Variants in MYO3A observed in about 807,000 individuals in gnomAD.
MYO3A encodes myosin-IIIa.
Under a neutral mutation model 192.7 loss-of-function variants are expected in MYO3A, and 180 were observed. That is an observed-to-expected ratio of 0.93 (90% CI 0.83 to 1.06). The LOEUF (loss-of-function observed/expected upper bound fraction) is 1.06. Among genes scored for constraint, MYO3A ranks in the 50% least tolerant of loss-of-function variants. The pLI, the probability that MYO3A is intolerant of heterozygous loss-of-function variation, is 0.00. For synonymous variants in MYO3A, 628 were observed against 645.3 expected, an observed-to-expected ratio of 0.97 and a Z score of 0.41; for missense variants, 1,896 against 1,905.0, an observed-to-expected ratio of 1.00 and a Z score of 0.09.
chr10:25,995,008 G>A (rs1046708573), intron 4 of MYO3A, among the ~76,000 whole-genome samples: 3 of 152,122 alleles, frequency 2.0e-5, no homozygotes, highest in Admixed American at 6.5e-5. Context: ...TCTTCTCGAG[G>A]AGTATCTTTG....
At chr10:26,192,145 G>A (rs532640684) in intron 31 of MYO3A, among the ~76,000 whole-genome samples, 2 of 152,312 alleles carry the variant, frequency 1.3e-5, no homozygotes, top group African/African-American at 4.8e-5. Flanking sequence ...AAAGCCACTT[G>A]TAATGAACAT....
intron 14 of MYO3A, among the ~76,000 whole-genome samples, chr10:26,081,132 T>TCCCCCCCCCC (rs1564528977): frequency 1.7e-5 from 1 of 58,022 alleles, no homozygotes; most frequent in Non-Finnish European, 4.1e-5. Context: ...TTATATGCCC[T>TCCCCCCCCCC]TCCCCCCCCC....
intron 20 of MYO3A, among the ~76,000 whole-genome samples, chr10:26,140,194 G>A (rs573027717): frequency 6.6e-6 from 1 of 152,178 alleles, no homozygotes; most frequent in African/African-American, 2.4e-5. Flanking sequence ...CCATGTGGAC[G>A]CTTGCAGCCT....
intron 32 of MYO3A, 52 bp downstream of exon 32, chr10:26,193,363 C>A: frequency 7.1e-7 from 1 of 1,413,268 alleles, no homozygotes; most frequent in Non-Finnish European, 1.0e-6. Flanking sequence ...CTACTAATGG[C>A]CAGTGTGAAA....
intron 10 of MYO3A, among the ~76,000 whole-genome samples, chr10:26,062,274 A>G (rs1449227133): frequency 1.3e-5 from 2 of 151,832 alleles, no homozygotes; most frequent in African/African-American, 2.4e-5. Context: ...TAATCCCAGC[A>G]TTTTGGGAGG....
rs769527236 is a variant in MYO3A at position 26,174,396 on chromosome 10, A to G, written c.4132A>G (p.Arg1378Gly). ...KDKMSSFKHQ[R>G]IVTTPTEVAR... ...CAAGATGTCTTCTTTTAAGCATCAG[A>G]GGATTGTCACAACACCAACAGAAGT... Residue 1378 changes from arginine to glycine, a missense_variant, in exon 30 of 35, where the codon AGG (arginine) becomes GGG (glycine). Transcript: ENST00000642920. 3.2e-5 allele frequency: 51 copies of G among 1,614,112 alleles called. No individual in the cohort carries two copies. The highest frequency in any genetic ancestry group is 4.3e-5 in the Non-Finnish European group (51 of 1,180,050).
chr10:26,163,370 A>T (rs1841573369), intron 26 of MYO3A, among the ~76,000 whole-genome samples: 1 of 152,224 alleles, frequency 6.6e-6, no homozygotes, highest in African/African-American at 2.4e-5. Context: ...CATTTAAAAA[A>T]AGATAATTCA....
intron 3 of MYO3A, among the ~76,000 whole-genome samples, chr10:25,953,365 G>A (rs1837331704): frequency 6.6e-6 from 1 of 151,984 alleles, no homozygotes; most frequent in South Asian, 2.1e-4. Flanking sequence ...GAGAAAGGTA[G>A]GGGAGGTTTA....
Position 26,154,854 on chromosome 10 carries a change from T to G in MYO3A, c.2793+31T>G, listed in dbSNP as rs761300802. On this transcript the variant is annotated intron_variant, in intron 25 of 34. Coordinates refer to ENST00000642920, the MANE Select transcript of MYO3A (RefSeq NM_017433.5). ...ATATTAAACTATGATGTATTGTGCT[T>G]AGGGGTGCTATTTAGTCTAAATGAG... 7 of 1,566,008 alleles carry G rather than the reference T, an allele frequency of 4.5e-6. No homozygotes were observed. The Admixed American group carries it at 1.0e-4, about 23-fold the overall frequency.
intron 4 of MYO3A, among the ~76,000 whole-genome samples, chr10:25,974,327 A>G (rs540771916): frequency 2.0e-5 from 3 of 152,298 alleles, no homozygotes; most frequent in Non-Finnish European, 4.4e-5. Flanking sequence ...AAATAATTCT[A>G]TTTGCTAAGC....
chr10:25,984,486 C>T (rs896174093), intron 4 of MYO3A, among the ~76,000 whole-genome samples: 2 of 152,180 alleles, frequency 1.3e-5, no homozygotes, highest in Non-Finnish European at 2.9e-5. Context: ...AACCAGAAAC[C>T]ACCTCCTCCA....
rs548128122 is a variant in MYO3A, at chr10:25,997,090, T to A, written c.409-69T>A. On this transcript the variant is annotated intron_variant, in intron 5 of 34. Coordinates refer to ENST00000642920, the MANE Select transcript of MYO3A (RefSeq NM_017433.5). ...GTGTTTCCTATTGATTTTGTACAGG[T>A]ACATCATCTGAAAATTTTTATTGTT... 8 of 1,179,722 alleles carry A rather than the reference T, an allele frequency of 6.8e-6. No individual in the cohort carries two copies. In the East Asian group the frequency reaches 1.9e-4, roughly 28 times the overall value. The allele number at this position is 1,179,722 out of a possible 1,614,324, so 73.1% of individuals were successfully genotyped here.
At position 26,202,964 on chromosome 10, in the gene MYO3A, TC is replaced by T. The variant is rs754101909; in HGVS notation, c.4588del (p.Gln1530ArgfsTer5). The T allele has an allele frequency of 6.2e-7, 1 of 1,613,558 alleles. No individual in the cohort carries two copies. Among genetic ancestry groups the T allele is most frequent in the South Asian group, 1.1e-5 (1 of 91,062 alleles). ...GGTGTGTTTATGTGTTCATTTACAG[TC>T]AGGGAAAATTATTAGATTTGGAAGA... ...EEKRRPRKDSQGKLLDLEDFY... is the reference protein window; with the variant it reads ...EEKRRPRKDSXGKLLDLEDFY... On this transcript the variant is annotated frameshift_variant and splice_region_variant, in exon 34 of 35. Transcript: ENST00000642920. LOFTEE classifies it high-confidence loss of function.
intron 4 of MYO3A, among the ~76,000 whole-genome samples, chr10:25,968,288 A>G (rs1266470047): frequency 6.6e-6 from 1 of 152,218 alleles, no homozygotes; most frequent in Admixed American, 6.5e-5. Flanking sequence ...TCAATTTTGA[A>G]TTCTGTATTC....
At chr10:25,944,967 T>G (rs1428419294) in intron 2 of MYO3A, among the ~76,000 whole-genome samples, 1 of 152,062 alleles carries the variant, frequency 6.6e-6, no homozygotes, top group Non-Finnish European at 1.5e-5. Context: ...TTCCTTAAAG[T>G]GTAAAGTTAC....
intron 14 of MYO3A, among the ~76,000 whole-genome samples, chr10:26,083,009 C>A (rs1836066871): frequency 6.6e-6 from 1 of 152,150 alleles, no homozygotes; most frequent in Admixed American, 6.5e-5. Flanking sequence ...CTTTTTCCTT[C>A]TTCACAATTT....
chr10:26,203,450 CTCAA>C (rs5783966), intron 34 of MYO3A, among the ~76,000 whole-genome samples: 3,829 of 152,182 alleles, frequency 0.025, 145 homozygotes, highest in African/African-American at 0.081. Flanking sequence ...TATATTCAAG[CTCAA>C]TCAAAGTAAT....
rs372928028 is a variant in MYO3A at position 26,027,219 on chromosome 10, G to A, written c.953+687G>A. On this transcript the variant is annotated intron_variant, in intron 10 of 34. Transcript: ENST00000642920. ...TTTAAATATCTTCGTACATCCTATT[G>A]GGATTTTAAATAGTATATAAGTTTA... 3.0e-3 allele frequency among the ~76,000 whole-genome samples: 452 copies of A among 152,036 alleles called. 3 individuals are homozygous for A. Among genetic ancestry groups the A allele is most frequent in the African/African-American group, 0.011 (438 of 41,464 alleles).
At chr10:26,006,144 C>T (rs535958540) in intron 6 of MYO3A, among the ~76,000 whole-genome samples, 63 of 152,002 alleles carry the variant, frequency 4.1e-4, no homozygotes, top group African/African-American at 1.4e-3. Flanking sequence ...GGGTACATAA[C>T]GAAATGAAGG....
Sources: gnomAD v4.1 joint callset for allele counts (sites outside exome capture counted in the v4.1 genomes callset) on GRCh38, gnomAD v4.1.1 for gene constraint, MANE v1.5 for transcripts, NCBI Gene and HGNC (gene_info 2026-07-23, HGNC 2026-07-21) for gene names.